MAP2: variants seen among roughly 807,000 people sequenced by gnomAD.
MAP2 encodes the protein microtubule associated protein 2.
In MAP2, 14 loss-of-function variants were observed where a neutral mutation model predicts 137.6. That is an observed-to-expected ratio of 0.10 (90% confidence interval 0.07 to 0.16). MAP2 has a LOEUF of 0.16. Ranked by LOEUF, MAP2 falls within the 10% of genes least tolerant of loss-of-function variation. The pLI, the probability that MAP2 is intolerant of heterozygous loss-of-function variation, is 1.00. For missense variants in MAP2, 2,088 were observed against 2,191.5 expected, an observed-to-expected ratio of 0.95 and a Z score of 0.94; for synonymous variants, 786 against 782.3, an observed-to-expected ratio of 1.00 and a Z score of -0.08.
At chr2:209,477,905 G>A (rs1707730356) in intron 1 of MAP2, among the ~76,000 whole-genome samples, 1 of 152,074 alleles carries the variant, frequency 6.6e-6, no homozygotes, top group African/African-American at 2.4e-5. Context: ...TGCGGAGGCT[G>A]AGGTGTGAGG....
Position 209,554,724 on chromosome 2 carries a change from C to A in MAP2, c.-171-25312C>A, listed in dbSNP as rs978328484. ...GTGCCTGAATTATTCCACTGCACACCAGCCTAGGCAACAGAGACTGTCTCA... is the reference window on the plus strand; with the variant it reads ...GTGCCTGAATTATTCCACTGCACACAAGCCTAGGCAACAGAGACTGTCTCA... On this transcript the variant is annotated intron_variant, in intron 2 of 15. Coordinates refer to ENST00000682079, the MANE Select transcript of MAP2 (RefSeq NM_001375505.1). Among the ~76,000 whole-genome samples the A allele has an allele frequency of 5.9e-5, 9 of 151,598 alleles. No homozygotes were observed. In the East Asian group the frequency reaches 1.6e-3, roughly 26 times the overall value.
intron 12 of MAP2, among the ~76,000 whole-genome samples, chr2:209,706,677 G>C (rs1434090211): frequency 6.6e-6 from 1 of 152,024 alleles, no homozygotes; most frequent in African/African-American, 2.4e-5. Context: ...GAACTGCTCT[G>C]TAGAATTATT....
intron 1 of MAP2, among the ~76,000 whole-genome samples, chr2:209,503,604 CTA>C (rs1215358600): frequency 2.0e-5 from 3 of 152,042 alleles, no homozygotes; most frequent in African/African-American, 4.8e-5. Flanking sequence ...AGATAAAAGT[CTA>C]TTTTCATTCT....
At chr2:209,650,009 G>A (rs2094676653) in intron 4 of MAP2, among the ~76,000 whole-genome samples, 1 of 152,038 alleles carries the variant, frequency 6.6e-6, no homozygotes, top group Admixed American at 6.6e-5. Context: ...TTTTTAAATG[G>A]ATGATTACCA....
intron 7 of MAP2, among the ~76,000 whole-genome samples, chr2:209,688,346 C>T (rs1434886945): frequency 2.6e-5 from 4 of 151,978 alleles, no homozygotes; most frequent in African/African-American, 9.7e-5. Context: ...AATTTTTTTC[C>T]TCCTTAGACA....
chr2:209,534,787 T>G (rs1577369148), intron 2 of MAP2, among the ~76,000 whole-genome samples: 1 of 152,160 alleles, frequency 6.6e-6, no homozygotes, highest in East Asian at 1.9e-4. Flanking sequence ...AGCAGGAGTT[T>G]TAAAGTTAGT....
intron 4 of MAP2, among the ~76,000 whole-genome samples, chr2:209,639,310 A>G (rs1419542065): frequency 6.6e-6 from 1 of 152,212 alleles, no homozygotes; most frequent in Non-Finnish European, 1.5e-5. Flanking sequence ...CAAAACATAC[A>G]TGTAAATAGA....
chr2:209,674,933 C>T (rs1027699114), intron 5 of MAP2, among the ~76,000 whole-genome samples: 2 of 151,786 alleles, frequency 1.3e-5, no homozygotes, highest in African/African-American at 4.8e-5. Context: ...CCATCTCTTC[C>T]TTCCTTAAGA....
At chr2:209,544,556 G>A (rs980355107) in intron 2 of MAP2, among the ~76,000 whole-genome samples, 3 of 152,154 alleles carry the variant, frequency 2.0e-5, no homozygotes, top group South Asian at 2.1e-4. Flanking sequence ...TTAGGCCAGC[G>A]TAGAAGGATG....
intron 1 of MAP2, among the ~76,000 whole-genome samples, chr2:209,471,505 C>G (rs529906818): frequency 3.3e-5 from 5 of 151,970 alleles, no homozygotes. Flanking sequence ...TGGGGTTTGA[C>G]CATTAACTGT....
At chr2:209,578,952 T>C (rs2075795235) in intron 2 of MAP2, among the ~76,000 whole-genome samples, 1 of 151,986 alleles carries the variant, frequency 6.6e-6, no homozygotes. Flanking sequence ...CTTTTTCTCT[T>C]GTAAGGAAAA....
intron 3 of MAP2, among the ~76,000 whole-genome samples, chr2:209,593,389 AG>A (rs1301197605): frequency 6.6e-6 from 1 of 150,654 alleles, no homozygotes; most frequent in Non-Finnish European, 1.5e-5. Flanking sequence ...TGAGGATCAT[AG>A]GTCGCTGTTG....
rs368543818 is a variant in MAP2, at chr2:209,695,135, A to G, written c.2965A>G (p.Thr989Ala). Residue 989 changes from threonine (T) to alanine (A), a missense_variant, in exon 8 of 16, where the codon ACA (threonine) becomes GCA (alanine). By Grantham distance (58) the Thr-to-Ala change is moderately conservative (BLOSUM62 0). This residue lies in a region of MAP2 where 500 missense variants were observed against 482.9 expected (regional missense o/e 1.04). Transcript: ENST00000682079. ...KTEEAGDEIE[T>A]FGLGVTYEQA... ...TGAAGAGGCTGGTGATGAAATAGAAACATTCGGATTAGGAGTAACCTATGA... is the reference window on the plus strand; with the variant it reads ...TGAAGAGGCTGGTGATGAAATAGAAGCATTCGGATTAGGAGTAACCTATGA... 23 of 1,614,154 alleles carry G rather than the reference A, an allele frequency of 1.4e-5. No individual in the cohort carries two copies. In the Middle Eastern group the frequency reaches 1.5e-3, roughly 104 times the overall value.
chr2:209,454,046 G>T (rs1700911780), intron 1 of MAP2, among the ~76,000 whole-genome samples: 1 of 150,710 alleles, frequency 6.6e-6, no homozygotes, highest in South Asian at 2.1e-4. Flanking sequence ...AGCTACTCCG[G>T]AGGCTGAGGC....
intron 4 of MAP2, among the ~76,000 whole-genome samples, chr2:209,648,959 T>A (rs2094597575): frequency 6.6e-6 from 1 of 152,164 alleles, no homozygotes; most frequent in South Asian, 2.1e-4. Flanking sequence ...AATGGAATGT[T>A]AAAAATTCCT....
intron 1 of MAP2, among the ~76,000 whole-genome samples, chr2:209,488,598 G>T (rs955649126): frequency 3.3e-5 from 5 of 152,078 alleles, no homozygotes; most frequent in Admixed American, 1.3e-4. Flanking sequence ...CGAGCTTGGT[G>T]GGGGGAGGGG....
At chr2:209,570,904 G>A (rs16843149) in intron 2 of MAP2, among the ~76,000 whole-genome samples, 3,007 of 151,896 alleles carry the variant, frequency 0.02, 96 homozygotes, top group African/African-American at 0.068. Context: ...TCATAATAGC[G>A]TAGTTCTGTA....
chr2:209,504,893 C>A (rs543680357), intron 1 of MAP2, among the ~76,000 whole-genome samples: 1 of 152,038 alleles, frequency 6.6e-6, no homozygotes, highest in East Asian at 1.9e-4. Flanking sequence ...GCCTAGTGTT[C>A]TTATGTACAT....
At chr2:209,607,993 A>G (rs1208440638) in intron 3 of MAP2, among the ~76,000 whole-genome samples, 1 of 152,068 alleles carries the variant, frequency 6.6e-6, no homozygotes, top group Non-Finnish European at 1.5e-5. Context: ...TCACCCTATT[A>G]TATGCTGGAA....
Sources: gnomAD v4.1 joint callset for allele counts (sites outside exome capture counted in the v4.1 genomes callset) on GRCh38, gnomAD v4.1.1 for gene constraint, gnomAD v4.1.1 regional missense constraint, MANE v1.5 for transcripts, NCBI Gene and HGNC (gene_info 2026-07-23, HGNC 2026-07-21) for gene names.